The following FGF12 variants were observed in gnomAD, a reference collection of about 807,000 sequenced individuals.
FGF12 encodes the protein fibroblast growth factor 12.
FGF12 carries 14 observed loss-of-function variants against 23.6 expected under a neutral mutation model. The observed-to-expected ratio is 0.59, with a 90% confidence interval of 0.39 to 0.93. The LOEUF is 0.93. FGF12 is among the 40% of genes least tolerant of loss of function. FGF12 has a pLI of 0.00. For missense variants in FGF12, 175 were observed against 217.8 expected (o/e 0.80, Z 1.24); for synonymous variants, 62 against 77.3 (o/e 0.80, Z 1.04).
intron 2 of FGF12, among the ~76,000 whole-genome samples, chr3:192,620,030 T>C (rs553334039): frequency 4.9e-4 from 75 of 152,252 alleles, no homozygotes; most frequent in African/African-American, 1.7e-3. Flanking sequence ...TGGTCATTTG[T>C]GCTCAGTGGG....
At chr3:192,155,047 G>C (rs1442199677) in intron 5 of FGF12, among the ~76,000 whole-genome samples, 2 of 149,536 alleles carry the variant, frequency 1.3e-5, no homozygotes, top group African/African-American at 2.5e-5. Flanking sequence ...TCTGAAAAGC[G>C]CAATATTCGG....
intron 5 of FGF12, among the ~76,000 whole-genome samples, chr3:192,148,177 A>G (rs1560166924): frequency 6.6e-6 from 1 of 152,212 alleles, no homozygotes. Context: ...CCATAGAAGG[A>G]TTATTCACTG....
intron 2 of FGF12, among the ~76,000 whole-genome samples, chr3:192,537,380 G>A (rs900787159): frequency 2.4e-4 from 36 of 152,044 alleles, no homozygotes; most frequent in African/African-American, 4.8e-5. Flanking sequence ...ACCTCCAAAC[G>A]ATTTTCCATA....
At chr3:192,212,322 T>G (rs1278028530) in intron 4 of FGF12, among the ~76,000 whole-genome samples, 1 of 152,268 alleles carries the variant, frequency 6.6e-6, no homozygotes, top group Non-Finnish European at 1.5e-5. Flanking sequence ...TTTGCAGCTA[T>G]GAAAACTGAG....
intron 2 of FGF12, among the ~76,000 whole-genome samples, chr3:192,483,987 T>G (rs1723553209): frequency 6.6e-6 from 1 of 152,146 alleles, no homozygotes. Context: ...GTTAATTATA[T>G]GTGACTGATC....
chr3:192,291,473 C>T (rs1714755908), intron 4 of FGF12, among the ~76,000 whole-genome samples: 1 of 151,996 alleles, frequency 6.6e-6, no homozygotes, highest in Non-Finnish European at 1.5e-5. Flanking sequence ...GTTCTAGCTA[C>T]TCAGGAAGCT....
chr3:192,255,627 T>C (rs903923548), intron 4 of FGF12, among the ~76,000 whole-genome samples: 2 of 151,448 alleles, frequency 1.3e-5, no homozygotes, highest in African/African-American at 4.9e-5. Context: ...CTATTATTTC[T>C]TTATTATTTG....
At chr3:192,709,933 G>T (rs1186669195) in intron 2 of FGF12, among the ~76,000 whole-genome samples, 1 of 152,184 alleles carries the variant, frequency 6.6e-6, no homozygotes, top group Non-Finnish European at 1.5e-5. Context: ...GCCAACTCAT[G>T]GCAATATGCA....
At chr3:192,725,595 C>T (rs754271750) in intron 2 of FGF12, among the ~76,000 whole-genome samples, 3 of 152,040 alleles carry the variant, frequency 2.0e-5, no homozygotes, top group African/African-American at 4.8e-5. Flanking sequence ...AGATTACTGC[C>T]GAGAGATATA....
chr3:192,329,432 A>G (rs1716995155), intron 4 of FGF12, among the ~76,000 whole-genome samples: 1 of 152,204 alleles, frequency 6.6e-6, no homozygotes, highest in African/African-American at 2.4e-5. Context: ...CTAAAATATT[A>G]TATCACTAGT....
chr3:192,714,014 G>A (rs1265315263), intron 2 of FGF12, among the ~76,000 whole-genome samples: 3 of 152,170 alleles, frequency 2.0e-5, no homozygotes, highest in Non-Finnish European at 4.4e-5. Flanking sequence ...CCATGGCGAT[G>A]ATTTCGTACC....
At chr3:192,478,838 T>C (rs1723400562) in intron 2 of FGF12, among the ~76,000 whole-genome samples, 1 of 152,190 alleles carries the variant, frequency 6.6e-6, no homozygotes, top group Admixed American at 6.6e-5. Flanking sequence ...AGAAACAGTT[T>C]CTCATATTCC....
chr3:192,297,505 G>A (rs1329238592), intron 4 of FGF12, among the ~76,000 whole-genome samples: 2 of 152,184 alleles, frequency 1.3e-5, no homozygotes, highest in African/African-American at 4.8e-5. Context: ...TATAGCAGGA[G>A]TTTAATACGT....
chr3:192,460,478 T>C (rs1159527847), intron 2 of FGF12, among the ~76,000 whole-genome samples: 13 of 152,168 alleles, frequency 8.5e-5, no homozygotes, highest in South Asian at 4.2e-4. Flanking sequence ...GTATCAGGTC[T>C]CTGAGAATCA....
At chr3:192,161,171 C>T (rs1714847687) in intron 5 of FGF12, among the ~76,000 whole-genome samples, 1 of 151,974 alleles carries the variant, frequency 6.6e-6, no homozygotes, top group African/African-American at 2.4e-5. Flanking sequence ...ATTGTCAAGG[C>T]ATGACCCCTA....
chr3:192,512,792 A>G (rs1200782741), intron 2 of FGF12, among the ~76,000 whole-genome samples: 1 of 139,454 alleles, frequency 7.2e-6, no homozygotes, highest in Admixed American at 7.4e-5. Context: ...ATAAAACACA[A>G]GTTTTCACAG....
intron 2 of FGF12, among the ~76,000 whole-genome samples, chr3:192,638,622 C>T (rs1715673102): frequency 6.6e-6 from 1 of 152,196 alleles, no homozygotes; most frequent in Non-Finnish European, 1.5e-5. Context: ...TAGCTCTTAG[C>T]AATTGAATAA....
At chr3:192,727,443 A>G (rs1306207953) in intron 1 of FGF12, 41 bp downstream of exon 1, 6 of 1,000,780 alleles carry the variant, frequency 6.0e-6, no homozygotes, top group Non-Finnish European at 8.5e-6. Context: ...ACTGAAATGC[A>G]TGCACAGTGC....
chr3:192,551,584 C>T (rs1711532930), intron 2 of FGF12, among the ~76,000 whole-genome samples: 1 of 152,160 alleles, frequency 6.6e-6, no homozygotes, highest in Non-Finnish European at 1.5e-5. Context: ...AGCATTCGGT[C>T]GAGATGCTGG....
Sources: gnomAD v4.1 joint callset for allele counts (sites outside exome capture counted in the v4.1 genomes callset) on GRCh38, gnomAD v4.1.1 for gene constraint, MANE v1.5 for transcripts, NCBI Gene and HGNC (gene_info 2026-07-23, HGNC 2026-07-21) for gene names.